Variants in DACH2 observed in about 807,000 individuals in gnomAD.
DACH2 encodes dachshund family transcription factor 2, also known as dachshund homolog 2.
In DACH2, 17 loss-of-function variants were observed where a neutral mutation model predicts 35.8. The ratio of observed to expected loss-of-function variants is 0.48; its 90% confidence interval spans 0.33 to 0.71. The LOEUF (loss-of-function observed/expected upper bound fraction) is 0.71, where lower values mean the gene tolerates loss of function less well. Ranked by LOEUF, DACH2 falls within the 30% of genes least tolerant of loss-of-function variation. The pLI is 0.02. For missense variants in DACH2, 469 were observed against 472.7 expected, an observed-to-expected ratio of 0.99 and a Z score of 0.07; for synonymous variants, 195 against 177.3, an observed-to-expected ratio of 1.10 and a Z score of -0.79.
At chrX:86,757,120 A>G (rs970054297) in intron 7 of DACH2, among the ~76,000 whole-genome samples, 1 of 111,410 alleles carries the variant, frequency 9.0e-6, no homozygotes, top group Admixed American at 9.6e-5. Context: ...GTTTGCTAGT[A>G]TTTTGTTTAG....
At chrX:86,616,640 A>G (rs990360238) in intron 3 of DACH2, among the ~76,000 whole-genome samples, 2 of 111,737 alleles carry the variant, frequency 1.8e-5, no homozygotes, top group African/African-American at 3.3e-5. Context: ...AAATTTCTTT[A>G]AGTTCCTTAT....
chrX:86,492,807 G>A (rs977524246), intron 2 of DACH2, among the ~76,000 whole-genome samples: 4 of 111,873 alleles, frequency 3.6e-5, no homozygotes, highest in Admixed American at 9.6e-5. Context: ...TGGCTGCATA[G>A]TATTTCATGG....
intron 1 of DACH2, among the ~76,000 whole-genome samples, chrX:86,259,228 T>C (rs368747193): frequency 8.9e-5 from 10 of 112,399 alleles, no homozygotes; most frequent in East Asian, 8.4e-4. Flanking sequence ...ACTTACTCAA[T>C]GTAGTTCAAC....
intron 2 of DACH2, among the ~76,000 whole-genome samples, chrX:86,441,427 G>T (rs188993931): frequency 4.2e-4 from 46 of 110,086 alleles, no homozygotes; most frequent in African/African-American, 1.5e-3. Flanking sequence ...GTTCATCCAT[G>T]TTGTTGCGAA....
At chrX:86,278,786 C>CT (rs1203712775) in intron 1 of DACH2, among the ~76,000 whole-genome samples, 2 of 111,751 alleles carry the variant, frequency 1.8e-5, no homozygotes, top group Non-Finnish European at 3.8e-5. Context: ...AAGCTAAGAT[C>CT]CACTGGCTTG....
chrX:86,744,383 T>C (rs1366560048), intron 7 of DACH2, among the ~76,000 whole-genome samples: 2 of 111,473 alleles, frequency 1.8e-5, no homozygotes, highest in African/African-American at 3.3e-5. Context: ...TTTCCTGAAA[T>C]AGAGTTTAGT....
At chrX:86,165,156 G>C in intron 1 of DACH2, among the ~76,000 whole-genome samples, 1 of 110,168 alleles carries the variant, frequency 9.1e-6, no homozygotes, top group Non-Finnish European at 1.9e-5. Flanking sequence ...TCACCTCCCT[G>C]GTTCACTGTA....
intron 7 of DACH2, among the ~76,000 whole-genome samples, chrX:86,740,745 A>G (rs1043866481): frequency 1.8e-5 from 2 of 109,381 alleles, no homozygotes; most frequent in Admixed American, 2.0e-4. Flanking sequence ...TTCTTTACCT[A>G]TTATACGGAA....
chrX:86,766,911 G>T (rs1375389541), intron 7 of DACH2, among the ~76,000 whole-genome samples: 1 of 111,316 alleles, frequency 9.0e-6, no homozygotes, highest in Non-Finnish European at 1.9e-5. Flanking sequence ...ACAGTTGAAA[G>T]AAATGGATAG....
At chrX:86,255,661 T>C (rs1602328171) in intron 1 of DACH2, among the ~76,000 whole-genome samples, 1 of 111,870 alleles carries the variant, frequency 8.9e-6, no homozygotes, top group Non-Finnish European at 1.9e-5. Flanking sequence ...AAAAATGTTA[T>C]TCTCTTTTCC....
intron 1 of DACH2, among the ~76,000 whole-genome samples, chrX:86,335,197 C>T (rs916898956): frequency 6.3e-5 from 7 of 111,124 alleles, no homozygotes; most frequent in Non-Finnish European, 9.4e-5. Flanking sequence ...TAGCATGATA[C>T]CTCCAGCTTT....
chrX:86,605,775 G>A (rs908918085), intron 3 of DACH2, among the ~76,000 whole-genome samples: 2 of 104,378 alleles, frequency 1.9e-5, no homozygotes, highest in African/African-American at 3.5e-5. Context: ...ATCTTTTTTT[G>A]TCTTTTTTAC....
At chrX:86,711,419 TA>T (rs1179922207) in intron 5 of DACH2, among the ~76,000 whole-genome samples, 1 of 111,801 alleles carries the variant, frequency 8.9e-6, no homozygotes, top group South Asian at 3.7e-4. Context: ...TAAATTAAAT[TA>T]AAAAAAGAAT....
chrX:86,385,911 C>G (rs2036115538), intron 2 of DACH2, among the ~76,000 whole-genome samples: 1 of 111,488 alleles, frequency 9.0e-6, no homozygotes, highest in African/African-American at 3.3e-5. Flanking sequence ...AAATAAAATA[C>G]AGAAAGAAAG....
rs757678844 is a variant in DACH2 at position 86,308,410 on chromosome X, A to G, written c.489-68414A>G. 3.3e-3 allele frequency among the ~76,000 whole-genome samples: 373 copies of G among 112,507 alleles called. 2 individuals carry two copies. The highest frequency in any genetic ancestry group is 0.012 in the African/African-American group (362 of 31,023). On this transcript the variant is annotated intron_variant, in intron 1 of 11. Transcript: ENST00000373125. ...AAGAGGCAAAGCAGCAATCGTGTAG[A>G]GCTCTGGCATTGGCTAATTAATCAC...
At chrX:86,697,667 C>T (rs1023669099) in intron 5 of DACH2, among the ~76,000 whole-genome samples, 1 of 99,960 alleles carries the variant, frequency 1.0e-5, no homozygotes, top group African/African-American at 3.8e-5. Context: ...AAGGTAGAAA[C>T]CCTAAGAAAA....
rs756883216 is a variant in DACH2 at position 86,440,527 on chromosome X, G to A, written c.527+63665G>A. Among the ~76,000 whole-genome samples the A allele has an allele frequency of 1.3e-3, 146 of 111,134 alleles. 1 individual carries two copies. The highest frequency in any genetic ancestry group is 4.6e-3 in the African/African-American group (142 of 30,662). ...ATTTATATTTAAAATGGAATTTTTT[G>A]GCAAGGTATAGTTGGACCTTGTATT... On this transcript the variant is annotated intron_variant, in intron 2 of 11. Transcript: ENST00000373125.
At chrX:86,551,396 C>A (rs143272759) in intron 3 of DACH2, among the ~76,000 whole-genome samples, 1 of 111,838 alleles carries the variant, frequency 8.9e-6, no homozygotes, top group African/African-American at 3.2e-5. Context: ...ATGTTCACAG[C>A]TTTTTGTCCC....
intron 1 of DACH2, among the ~76,000 whole-genome samples, chrX:86,197,606 G>T (rs896917820): frequency 9.0e-6 from 1 of 110,830 alleles, no homozygotes; most frequent in Non-Finnish European, 1.9e-5. Context: ...AAAAGCAGGG[G>T]TTCTAATCCT....
Sources: allele counts gnomAD v4.1 joint callset (sites outside exome capture counted in the v4.1 genomes callset), GRCh38; gene constraint gnomAD v4.1.1; transcripts MANE v1.5; gene names NCBI Gene and HGNC (gene_info 2026-07-23, HGNC 2026-07-21).